The following ADGRG6 variants were observed in gnomAD, a reference collection of about 807,000 sequenced individuals.
The protein encoded by ADGRG6 is adhesion G protein-coupled receptor G6, also known as G-protein coupled receptor 126.
ADGRG6 carries 84 observed loss-of-function variants against 142.4 expected under a neutral mutation model. The observed-to-expected ratio is 0.59, with a 90% CI of 0.49 to 0.71. ADGRG6 has a LOEUF of 0.71. Among genes scored for constraint, ADGRG6 ranks in the 30% least tolerant of loss-of-function variants. The pLI is 0.00. For synonymous variants in ADGRG6, 521 were observed against 520.5 expected, an observed-to-expected ratio of 1.00 and a Z score of -0.01; for missense variants, 1,367 against 1,466.6, an observed-to-expected ratio of 0.93 and a Z score of 1.11.
At chr6:142,431,283 A>G (rs781667258) in intron 22 of ADGRG6, among the ~76,000 whole-genome samples, 4 of 152,108 alleles carry the variant, frequency 2.6e-5, no homozygotes, top group Non-Finnish European at 5.9e-5. Context: ...GCAGTTATCA[A>G]GCTGAAGAAA....
At chr6:142,401,453 G>T (rs1562367977) in intron 11 of ADGRG6, among the ~76,000 whole-genome samples, 1 of 152,094 alleles carries the variant, frequency 6.6e-6, no homozygotes. Flanking sequence ...CCTAGGTTAG[G>T]ATACTGCTGG....
At chr6:142,342,727 A>G (rs932458322) in intron 2 of ADGRG6, among the ~76,000 whole-genome samples, 1 of 152,080 alleles carries the variant, frequency 6.6e-6, no homozygotes, top group East Asian at 1.9e-4. Context: ...AAAGCCAATC[A>G]CACAGTTGAA....
intron 2 of ADGRG6, among the ~76,000 whole-genome samples, chr6:142,363,473 C>T (rs576424151): frequency 3.3e-5 from 5 of 152,210 alleles, no homozygotes; most frequent in Admixed American, 6.5e-5. Context: ...TGTAAAAATA[C>T]GCACAAGTAA....
intron 3 of ADGRG6, 83 bp downstream of exon 3, chr6:142,367,993 A>G: frequency 1.4e-6 from 1 of 717,812 alleles, no homozygotes; most frequent in Non-Finnish European, 2.4e-6. Flanking sequence ...AGACAGAGTT[A>G]TGCTCTTTTA....
At chr6:142,339,075 T>A (rs1172563538) in intron 2 of ADGRG6, among the ~76,000 whole-genome samples, 2 of 152,224 alleles carry the variant, frequency 1.3e-5, no homozygotes, top group Non-Finnish European at 2.9e-5. Flanking sequence ...ATTTTTAACC[T>A]GTCTCTCACA....
rs1776578094 is a variant in ADGRG6 at position 142,419,948 on chromosome 6, A to T, written c.3163A>T (p.Ser1055Cys). 2 of 1,613,608 alleles carry T rather than the reference A, an allele frequency of 1.2e-6. No homozygotes were observed. Among genetic ancestry groups the T allele is most frequent in the Non-Finnish European group, 8.5e-7 (1 of 1,179,644 alleles). ...GATCTGTGGGAGGAATGGCAAGAGAAGCAACCGGACCCTGAGAGAAGAAGT... is the reference window on the plus strand; with the variant it reads ...GATCTGTGGGAGGAATGGCAAGAGATGCAACCGGACCCTGAGAGAAGAAGT... ...VQICGRNGKR[S>C]NRTLREEVLR... Residue 1055 changes from serine to cysteine, a missense_variant, in exon 22 of 25, where the codon AGC becomes TGC. Physicochemically the swap from Ser to Cys is moderately radical, Grantham distance 112. Around this residue, in one of 3 missense-constraint regions of ADGRG6, gnomAD observed 344 missense variants for 348.7 expected, o/e 0.99. Coordinates refer to ENST00000367609, the MANE Select transcript of ADGRG6 (RefSeq NM_198569.3).
chr6:142,348,690 G>A (rs1027761155), intron 2 of ADGRG6, among the ~76,000 whole-genome samples: 4 of 151,410 alleles, frequency 2.6e-5, no homozygotes, highest in African/African-American at 4.8e-5. Context: ...TGAAATTTAT[G>A]TTAAATCTTA....
At chr6:142,374,206 G>A (rs1380046715) in intron 4 of ADGRG6, among the ~76,000 whole-genome samples, 1 of 151,988 alleles carries the variant, frequency 6.6e-6, no homozygotes, top group Non-Finnish European at 1.5e-5. Context: ...CTGAGAGTCC[G>A]CTTTGCTGAA....
At chr6:142,314,914 T>C (rs991242953) in intron 2 of ADGRG6, among the ~76,000 whole-genome samples, 2 of 151,944 alleles carry the variant, frequency 1.3e-5, no homozygotes, top group African/African-American at 4.8e-5. Flanking sequence ...AATCTCAGTA[T>C]TGAGGAATTT....
At chr6:142,406,399 AC>A (rs1321219693) in intron 15 of ADGRG6, among the ~76,000 whole-genome samples, 4 of 152,314 alleles carry the variant, frequency 2.6e-5, no homozygotes, top group South Asian at 2.1e-4. Context: ...AACACTGGTG[AC>A]CTCTGTTTGC....
chr6:142,367,819 A>C lies in ADGRG6; in HGVS notation c.354A>C (p.Leu118=). 1 of 1,613,872 alleles carries C rather than the reference A, an allele frequency of 6.2e-7. No individual in the cohort carries two copies. The highest frequency in any genetic ancestry group is 8.5e-7 in the Non-Finnish European group (1 of 1,179,772). ...TTTGTGGAGCAACTGCCAAAGGCCTATCATTTAACTCAAGTGCGAATGAGA... is the reference window on the plus strand; with the variant it reads ...TTTGTGGAGCAACTGCCAAAGGCCTCTCATTTAACTCAAGTGCGAATGAGA... ...TKFCGATAKG[L]SFNSSANEMH... is the part of the protein sequence containing the mutation. The change falls in exon 3 of 25, where the codon CTA becomes CTC. Residue 118 remains leucine, a synonymous_variant. Transcript: ENST00000367609.
chr6:142,412,057 G>C (rs1344409845), intron 18 of ADGRG6, among the ~76,000 whole-genome samples: 1 of 152,062 alleles, frequency 6.6e-6, no homozygotes, highest in African/African-American at 2.4e-5. Flanking sequence ...TTATTAGCCA[G>C]CTTGCCAAAC....
At chr6:142,316,410 A>C (rs1778070699) in intron 2 of ADGRG6, among the ~76,000 whole-genome samples, 1 of 152,198 alleles carries the variant, frequency 6.6e-6, no homozygotes, top group African/African-American at 2.4e-5. Context: ...CAAAACTACA[A>C]GAATGAGAAA....
rs530549964 is a variant in ADGRG6 at position 142,420,560 on chromosome 6, C to G, written c.3319+456C>G. On this transcript the variant is annotated intron_variant, in intron 22 of 24. Coordinates refer to ENST00000367609, the MANE Select transcript of ADGRG6 (RefSeq NM_198569.3). ...TTTAGAGTCTATGTAAGAACAGTAG[C>G]AGTTCACCTTGATTTTTTGGGTCCT... Among the ~76,000 whole-genome samples the G allele has an allele frequency of 2.6e-5, 4 of 152,236 alleles. No individual in the cohort carries two copies. In the South Asian group the frequency reaches 8.3e-4, roughly 32 times the overall value.
rs1775994569 is a variant in ADGRG6 at position 142,409,874 on chromosome 6, G to A, written c.2389G>A (p.Glu797Lys). ...CATGTTTATTCTTATGTTAATATAG[G>A]AAGTGCATCATCCCATCTGTGCCTT... ...QIKIKHTRTQEVHHPICAFWD... is the reference protein window; with the variant it reads ...QIKIKHTRTQKVHHPICAFWD... Residue 797 changes from glutamate (E) to lysine (K), a missense_variant and splice_region_variant, in exon 17 of 25, where the codon GAA becomes AAA. Coordinates refer to ENST00000367609, the MANE Select transcript of ADGRG6 (RefSeq NM_198569.3). The A allele has an allele frequency of 7.0e-7, 1 of 1,421,368 alleles. No individual in the cohort carries two copies. The highest frequency in any genetic ancestry group is 9.7e-7 in the Non-Finnish European group (1 of 1,025,708). The allele number at this position is 1,421,368 out of a possible 1,614,324, so 88.0% of individuals were successfully genotyped here.
In ADGRG6 at chr6:142,316,725, A is replaced by G. The variant is rs573912221; in HGVS notation, c.103+7081A>G. 3.6e-4 allele frequency among the ~76,000 whole-genome samples: 55 copies of G among 152,224 alleles called. No homozygotes were observed. In the Middle Eastern group the frequency reaches 0.017, roughly 47 times the overall value. ...GAGTTTTAAGGCAGAGTTTCTGATC[A>G]CAGTGATTTCAGTGGCTGCAGTAGC... On this transcript the variant is annotated intron_variant, in intron 2 of 24. Transcript: ENST00000367609.
intron 2 of ADGRG6, among the ~76,000 whole-genome samples, chr6:142,366,845 T>C (rs933760202): frequency 3.9e-5 from 6 of 152,012 alleles, no homozygotes; most frequent in African/African-American, 1.4e-4. Flanking sequence ...GCTTGGCACA[T>C]AATAGACTCA....
intron 16 of ADGRG6, among the ~76,000 whole-genome samples, chr6:142,409,405 T>G (rs1014252465): frequency 3.3e-5 from 5 of 152,176 alleles, no homozygotes; most frequent in South Asian, 2.1e-4. Flanking sequence ...GTTTGTCTAT[T>G]CCTCATTGAT....
intron 2 of ADGRG6, among the ~76,000 whole-genome samples, chr6:142,317,747 T>C (rs1202004010): frequency 4.6e-5 from 5 of 108,960 alleles, no homozygotes; most frequent in Admixed American, 1.5e-4. Context: ...TTATATAATA[T>C]ATATTTATAT....
Sources: allele counts gnomAD v4.1 joint callset (sites outside exome capture counted in the v4.1 genomes callset), GRCh38; gene constraint gnomAD v4.1.1; regional missense constraint gnomAD v4.1.1; transcripts MANE v1.5; gene names NCBI Gene and HGNC (gene_info 2026-07-23, HGNC 2026-07-21).